ANK3: variants seen among roughly 807,000 people sequenced by gnomAD.
The protein encoded by ANK3 is ankyrin-3.
Under a neutral mutation model 370.9 loss-of-function variants are expected in ANK3, and 57 were observed. That is an observed-to-expected ratio of 0.15 (90% CI 0.12 to 0.19). ANK3 has a LOEUF of 0.19. Ranked by LOEUF, ANK3 falls within the 10% of genes least tolerant of loss-of-function variation. The pLI is 1.00. For synonymous variants in ANK3, 1,929 were observed against 1,946.3 expected (o/e 0.99, Z 0.23); for missense variants, 4,439 against 5,302.1 (o/e 0.84, Z 5.06).
At chr10:60,215,959 A>C (rs946786685) in intron 8 of ANK3, among the ~76,000 whole-genome samples, 1 of 152,196 alleles carries the variant, frequency 6.6e-6, no homozygotes, top group Non-Finnish European at 1.5e-5. Context: ...TTTTCACGAT[A>C]TTAATTCTTT....
intron 7 of ANK3, among the ~76,000 whole-genome samples, chr10:60,241,234 A>C (rs776461599): frequency 7.9e-5 from 12 of 152,206 alleles, no homozygotes; most frequent in Non-Finnish European, 1.8e-4. Flanking sequence ...ATCTATATGC[A>C]CTTTGTGAGA....
intron 2 of ANK3, among the ~76,000 whole-genome samples, chr10:60,612,417 G>A (rs1467429441): frequency 1.3e-5 from 2 of 152,148 alleles, no homozygotes; most frequent in Non-Finnish European, 2.9e-5. Flanking sequence ...CTTTTAAGTT[G>A]GGGATAAAAG....
rs200194489 is a variant in ANK3 at position 60,069,079 on chromosome 10, C to A, written c.11802G>T (p.Lys3934Asn). ...CCTTGCCTTTCTCTGGCTGCCCTTGCTTTTGTGTGGCACATGCTTTTCTAA... is the reference window on the plus strand; with the variant it reads ...CCTTGCCTTTCTCTGGCTGCCCTTGATTTTGTGTGGCACATGCTTTTCTAA... ...IAVRKACATQ[K>N]QGQPEKGKAK... The change falls in exon 37 of 44, where the codon AAG (lysine) becomes AAT (asparagine). Residue 3934 changes from lysine (K) to asparagine (N), a missense_variant. Transcript: ENST00000280772. 6 of 1,613,950 alleles carry A rather than the reference C, an allele frequency of 3.7e-6. No homozygotes were observed.
intron 38 of ANK3, 22 bp from the exon 39 acceptor site, chr10:60,064,310 A>T (rs375034865): frequency 3.9e-6 from 6 of 1,553,434 alleles, no homozygotes; most frequent in Non-Finnish European, 5.2e-6. Context: ...AAAGAGAGTT[A>T]CTAAGATTGC....
upstream of ANK3, chr10:60,733,523 C>T: frequency 2.4e-6 from 1 of 412,524 alleles, no homozygotes; most frequent in East Asian, 3.8e-5. Flanking sequence ...CCGCGCGGGC[C>T]GGTGCGCCGG....
chr10:60,530,110 C>A (rs1471616031), intron 2 of ANK3, among the ~76,000 whole-genome samples: 1 of 152,168 alleles, frequency 6.6e-6, no homozygotes, highest in Admixed American at 6.6e-5. Context: ...TTTCCCCCCA[C>A]CACAAGACAG....
At chr10:60,376,953 G>T (rs2060866714) in intron 1 of ANK3, among the ~76,000 whole-genome samples, 1 of 152,224 alleles carries the variant, frequency 6.6e-6, no homozygotes, top group Admixed American at 6.5e-5. Flanking sequence ...GGCTCCAGCT[G>T]AAGAGGCATA....
In ANK3 at chr10:60,444,683, G is replaced by C. The variant is rs188897460; in HGVS notation, c.97-165044C>G. Among the ~76,000 whole-genome samples, 71 of 152,042 alleles carry C rather than the reference G, an allele frequency of 4.7e-4. No homozygotes were observed. The East Asian group carries it at 0.013, about 29-fold the overall frequency. On this transcript the variant is annotated intron_variant, in intron 2 of 43. Transcript: ENST00000373827. ...GCTAATTTTTGTCACTAGAGGGAGT[G>C]GTTGATCTTTTTTTCTTTTTAAGCA...
chr10:60,291,906 G>A (rs188060225), intron 1 of ANK3, among the ~76,000 whole-genome samples: 2 of 152,068 alleles, frequency 1.3e-5, no homozygotes, highest in Admixed American at 6.6e-5. Context: ...TAGAGACGGA[G>A]TTTTGCCTTG....
chr10:60,381,482 TG>T lies in ANK3; in HGVS notation c.114+7942del, dbSNP rs572374691. ...TGTGGAAAGTTTGCAAAGAGCTAAC[TG>T]TGGGACTTAAATGGTTGTTTGGGAA... is the stretch of plus-strand genomic sequence containing the variant. On this transcript the variant is annotated intron_variant, in intron 1 of 43. Coordinates refer to ENST00000280772, the MANE Select transcript of ANK3 (RefSeq NM_020987.5). Among the ~76,000 whole-genome samples, 306 of 152,350 alleles carry T rather than the reference TG, an allele frequency of 2.0e-3. 1 individual carries two copies. The highest frequency in any genetic ancestry group is 6.8e-3 in the Middle Eastern group (2 of 294).
chr10:60,057,865 T>C (rs2079529602), intron 41 of ANK3, among the ~76,000 whole-genome samples: 1 of 152,228 alleles, frequency 6.6e-6, no homozygotes, highest in Non-Finnish European at 1.5e-5. Flanking sequence ...TCTTTGCAAC[T>C]GTCTCTTTTG....
rs1591921830 is a variant in ANK3, at chr10:60,218,876, T to A, written c.898-5366A>T. On this transcript the variant is annotated intron_variant, in intron 8 of 43. Transcript: ENST00000280772. ...CTCCTGGATAATATCCTGAACTGTG[T>A]TTTCCAGCTTGTTTCCATTCTCCCC... Among the ~76,000 whole-genome samples, 9 of 152,256 alleles carry A rather than the reference T, an allele frequency of 5.9e-5. No individual in the cohort carries two copies. In the East Asian group the frequency reaches 1.7e-3, roughly 29 times the overall value.
At chr10:60,086,940 AT>A (rs1425855106) in intron 29 of ANK3, 56 bp from the exon 30 acceptor site, 5 of 1,187,880 alleles carry the variant, frequency 4.2e-6, no homozygotes, top group Non-Finnish European at 5.6e-6. Flanking sequence ...TTTTTTCCCA[AT>A]CATGAAGTTT....
chr10:60,447,343 GATGGTTCAGGAAAGGCAAAA>G (rs2133028679), intron 2 of ANK3, among the ~76,000 whole-genome samples: 1 of 152,318 alleles, frequency 6.6e-6, no homozygotes, highest in East Asian at 1.9e-4. Context: ...GAAGGATGGT[GATGGTTCAGGAAAGGCAAAA>G]ATAGAACCAT....
intron 2 of ANK3, among the ~76,000 whole-genome samples, chr10:60,562,531 G>A (rs10761520): frequency 0.47 from 72,087 of 151,770 alleles, 17,465 homozygotes; most frequent in Non-Finnish European, 0.52. Flanking sequence ...CTCCTGCCTC[G>A]GCCTCCAGAG....
chr10:60,363,848 T>C (rs2058996753), intron 1 of ANK3, among the ~76,000 whole-genome samples: 1 of 152,192 alleles, frequency 6.6e-6, no homozygotes, highest in Admixed American at 6.5e-5. Context: ...ATGTCCTTTC[T>C]AAATCCCTTT....
At chr10:60,243,191 C>A (rs969101375) in intron 7 of ANK3, among the ~76,000 whole-genome samples, 2 of 152,120 alleles carry the variant, frequency 1.3e-5, no homozygotes, top group African/African-American at 2.4e-5. Context: ...CTCTGTATTG[C>A]AGATCTCTTA....
intron 42 of ANK3, chr10:60,043,536 T>G (rs1237011121): frequency 3.0e-6 from 3 of 985,272 alleles, no homozygotes; most frequent in Non-Finnish European, 3.6e-6. Context: ...ACATTGGAAA[T>G]GGGCTGTTAT....
At chr10:60,196,041 T>C in intron 16 of ANK3, 104 bp downstream of exon 16, 1 of 934,024 alleles carries the variant, frequency 1.1e-6, no homozygotes, top group Non-Finnish European at 1.6e-6. Context: ...TTTTTAGTGG[T>C]GCCTAAACTA....
Sources: gnomAD v4.1 joint callset for allele counts (sites outside exome capture counted in the v4.1 genomes callset) on GRCh38, gnomAD v4.1.1 for gene constraint, MANE v1.5 for transcripts, NCBI Gene and HGNC (gene_info 2026-07-23, HGNC 2026-07-21) for gene names.